Variants in M1AP observed in about 807,000 individuals in gnomAD.
The protein encoded by M1AP is meiosis 1 associated protein.
Under a neutral mutation model 51.2 loss-of-function variants are expected in M1AP, and 39 were observed. The observed-to-expected ratio is 0.76, with a 90% CI of 0.59 to 1.00. The LOEUF is 1.00. M1AP is among the 50% of genes least tolerant of loss of function. M1AP has a pLI of 0.00. For synonymous variants in M1AP, 251 were observed against 249.2 expected (o/e 1.01, Z -0.07); for missense variants, 545 against 641.2 (o/e 0.85, Z 1.62).
At chr2:74,645,853 T>A (rs899940457) in intron 1 of M1AP, among the ~76,000 whole-genome samples, 7 of 151,958 alleles carry the variant, frequency 4.6e-5, no homozygotes, top group African/African-American at 1.7e-4. Context: ...AAAATAAAAA[T>A]AAAAAAATAA....
chr2:74,590,962 G>A (rs987835203), intron 4 of M1AP, among the ~76,000 whole-genome samples: 4 of 152,316 alleles, frequency 2.6e-5, no homozygotes, highest in African/African-American at 9.6e-5. Context: ...CTTTCTCTGT[G>A]ACCTTAGGCC....
intron 5 of M1AP, among the ~76,000 whole-genome samples, chr2:74,579,783 T>C (rs927426441): frequency 1.3e-5 from 2 of 151,212 alleles, no homozygotes; most frequent in African/African-American, 2.4e-5. Flanking sequence ...GTCTTCTTTC[T>C]TTTTTTTAAA....
chr2:74,574,722 C>A (rs1262457674), intron 7 of M1AP, among the ~76,000 whole-genome samples: 1 of 152,190 alleles, frequency 6.6e-6, no homozygotes, highest in Non-Finnish European at 1.5e-5. Context: ...CCAACCCTAC[C>A]TTTTGTCACT....
chr2:74,605,975 C>T (rs1680964924), intron 4 of M1AP, among the ~76,000 whole-genome samples: 1 of 152,124 alleles, frequency 6.6e-6, no homozygotes. Context: ...CAAGTGCAGA[C>T]CCTCAAAGAT....
chr2:74,614,470 T>C (rs1681548574), intron 3 of M1AP, among the ~76,000 whole-genome samples: 1 of 152,162 alleles, frequency 6.6e-6, no homozygotes, highest in Non-Finnish European at 1.5e-5. Flanking sequence ...CAATGGAGTA[T>C]CCAGCCATGC....
At chr2:74,607,702 C>T (rs998761756) in intron 3 of M1AP, among the ~76,000 whole-genome samples, 5 of 152,112 alleles carry the variant, frequency 3.3e-5, no homozygotes, top group Non-Finnish European at 4.4e-5. Flanking sequence ...TCTCGAACTC[C>T]TGACCTCGTG....
intron 3 of M1AP, among the ~76,000 whole-genome samples, chr2:74,609,771 T>C (rs1681220221): frequency 6.6e-6 from 1 of 152,218 alleles, no homozygotes; most frequent in South Asian, 2.1e-4. Flanking sequence ...GGTGAGGTAA[T>C]ATTTTATTGT....
rs1678734376 is a variant in M1AP, at chr2:74,571,472, T to A, written c.1074+3966A>T. Among the ~76,000 whole-genome samples, 3 of 152,130 alleles carry A rather than the reference T, an allele frequency of 2.0e-5. No individual in the cohort carries two copies. The South Asian group carries it at 6.2e-4, about 32-fold the overall frequency. ...ATTTTAAAAGAACATATGAAAAAGG[T>A]ATATGAAAGAATAAAAAACCAAAGA... On this transcript the variant is annotated intron_variant, in intron 7 of 10. Transcript: ENST00000421985.
intron 1 of M1AP, 76 bp from the exon 2 acceptor site, chr2:74,640,403 C>A (rs3025981): frequency 1.6e-6 from 2 of 1,241,392 alleles, no homozygotes; most frequent in African/African-American, 3.0e-5. Context: ...AAATACAAGT[C>A]GAGGGAAACA....
intron 8 of M1AP, among the ~76,000 whole-genome samples, chr2:74,561,029 AAGG>A (rs113502370): frequency 0.022 from 3,236 of 144,912 alleles, 139 homozygotes; most frequent in African/African-American, 0.081. Context: ...GGAAGAGGAA[AAGG>A]AGAAGGAGGA....
At chr2:74,577,005 CCTTTGGCAAT>C (rs1437482789) in intron 5 of M1AP, 1 of 655,836 alleles carries the variant, frequency 1.5e-6, no homozygotes, top group African/African-American at 1.9e-5. Context: ...ATGCAGAGGC[CCTTTGGCAAT>C]CACAGAAGGA....
chr2:74,625,190 T>A (rs557465133), intron 2 of M1AP, among the ~76,000 whole-genome samples: 1 of 152,214 alleles, frequency 6.6e-6, no homozygotes, highest in African/African-American at 2.4e-5. Flanking sequence ...TGTATTTTCA[T>A]GTCTCAATGT....
chr2:74,619,007 A>G lies in M1AP; in HGVS notation c.241-3858T>C, dbSNP rs531485543. On this transcript the variant is annotated intron_variant, in intron 2 of 10. Transcript: ENST00000421985. ...GGCCCTCATCTCTGCCTTCATGCAT[A>G]TTTTCACGTCTGTACTTCATCGGCA... 1.3e-5 allele frequency: 7 copies of G among 526,096 alleles called. No individual in the cohort carries two copies. In the African/African-American group the frequency reaches 1.4e-4, roughly 10 times the overall value. 32.6% of individuals were successfully genotyped at this position (526,096 alleles called of 1,614,324 possible). A position where few individuals can be genotyped will look rare whatever the true frequency, so the allele number is the denominator to read the frequency against.
In M1AP at chr2:74,640,183, T is replaced by C. The variant is rs1331342433; in HGVS notation, c.93A>G (p.Leu31=). The C allele has an allele frequency of 1.2e-6, 2 of 1,613,914 alleles. No individual in the cohort carries two copies. Among genetic ancestry groups the C allele is most frequent in the African/African-American group, 2.7e-5 (2 of 74,882 alleles). The change falls in exon 2 of 11, where the codon CTA becomes CTG. Residue 31 remains leucine, a synonymous_variant. Transcript: ENST00000421985. ...PPRLLIVHIA[L]PSWADICTNL... ...TGGTGCAGATGTCAGCCCAGGACGG[T>C]AGAGCAATGTGCACAATGAGAAGCC...
chr2:74,561,263 A>AGGAGGAG (rs1677989175), intron 8 of M1AP, among the ~76,000 whole-genome samples: 1 of 138,248 alleles, frequency 7.2e-6, no homozygotes. Context: ...GAGGAGGAGA[A>AGGAGGAG]GAAGAAAAAG....
intron 7 of M1AP, among the ~76,000 whole-genome samples, chr2:74,569,636 A>G (rs1286506137): frequency 6.6e-6 from 1 of 151,142 alleles, no homozygotes; most frequent in East Asian, 2.0e-4. Flanking sequence ...CTGCCTCCCA[A>G]AGTGCTGGGA....
chr2:74,576,785 C>A (rs1252717999), intron 5 of M1AP, 167 bp from the exon 6 acceptor site: 5 of 1,254,190 alleles, frequency 4.0e-6, no homozygotes, highest in Non-Finnish European at 5.4e-6. Flanking sequence ...AGAGGAAAGC[C>A]TGACTGGTTT....
intron 2 of M1AP, chr2:74,615,399 G>A (rs1021510171): frequency 1.8e-5 from 8 of 448,472 alleles, no homozygotes; most frequent in African/African-American, 1.6e-4. Context: ...GAAAGGAAGT[G>A]TTTTAACTCA....
intron 3 of M1AP, among the ~76,000 whole-genome samples, chr2:74,611,956 C>G (rs1212119494): frequency 4.5e-5 from 5 of 109,920 alleles, no homozygotes; most frequent in African/African-American, 1.8e-4. Context: ...TGCAGTGGCG[C>G]GATCTCGGCT....
Sources: allele counts gnomAD v4.1 joint callset (sites outside exome capture counted in the v4.1 genomes callset), GRCh38; gene constraint gnomAD v4.1.1; transcripts MANE v1.5; gene names NCBI Gene and HGNC (gene_info 2026-07-23, HGNC 2026-07-21).